TENM2: variants seen among roughly 807,000 people sequenced by gnomAD.
TENM2 encodes the protein teneurin-2.
In TENM2, 52 loss-of-function variants were observed where a neutral mutation model predicts 245.2. The ratio of observed to expected loss-of-function variants is 0.21; its 90% CI spans 0.17 to 0.27. The LOEUF is 0.27. TENM2 is among the 10% of genes least tolerant of loss of function. TENM2 has a pLI of 1.00. For synonymous variants in TENM2, 1,363 were observed against 1,438.9 expected, an observed-to-expected ratio of 0.95 and a Z score of 1.19; for missense variants, 3,046 against 3,666.8, an observed-to-expected ratio of 0.83 and a Z score of 4.37.
At chr5:167,794,735 T>C (rs1449363452) in intron 2 of TENM2, among the ~76,000 whole-genome samples, 2 of 152,180 alleles carry the variant, frequency 1.3e-5, no homozygotes, top group East Asian at 1.9e-4. Context: ...CCTTGAAAGA[T>C]AATTGGTGCA....
At chr5:167,810,241 T>C (rs1043763074) in intron 2 of TENM2, among the ~76,000 whole-genome samples, 1 of 152,060 alleles carries the variant, frequency 6.6e-6, no homozygotes, top group Non-Finnish European at 1.5e-5. Context: ...AAGACTTCCT[T>C]TTTTTCCTTG....
intron 2 of TENM2, among the ~76,000 whole-genome samples, chr5:167,596,377 C>G (rs142480225): frequency 4.6e-5 from 7 of 152,160 alleles, no homozygotes; most frequent in Non-Finnish European, 8.8e-5. Flanking sequence ...GACTGTCCCC[C>G]CCAAGGACCT....
chr5:167,958,823 C>T (rs1583487375), intron 4 of TENM2, among the ~76,000 whole-genome samples: 1 of 152,084 alleles, frequency 6.6e-6, no homozygotes, highest in Non-Finnish European at 1.5e-5. Flanking sequence ...TCTCTTCTGG[C>T]TTGTAGCGTG....
At chr5:167,580,547 C>G (rs575899932) in intron 2 of TENM2, among the ~76,000 whole-genome samples, 7 of 152,286 alleles carry the variant, frequency 4.6e-5, no homozygotes, top group African/African-American at 1.7e-4. Flanking sequence ...TCTTAGATAC[C>G]ACAAGGAGGC....
At chr5:167,159,574 A>G in the TENM2 span, among the ~76,000 whole-genome samples, 19 of 152,352 alleles carry the variant, frequency 1.2e-4, no homozygotes, top group Admixed American at 2.0e-4. Flanking sequence ...ATCATATTCT[A>G]TATGATAAAT....
the TENM2 span, among the ~76,000 whole-genome samples, chr5:167,147,867 A>G: frequency 3.3e-5 from 5 of 152,172 alleles, no homozygotes; most frequent in East Asian, 1.9e-4. Flanking sequence ...TACTTTACCA[A>G]TGACCCTGTA....
intron 2 of TENM2, among the ~76,000 whole-genome samples, chr5:167,529,963 T>C (rs530938143): frequency 2.0e-5 from 3 of 152,308 alleles, no homozygotes; most frequent in East Asian, 1.9e-4. Flanking sequence ...AAGTTGGTTA[T>C]ATACATTATC....
At position 168,239,472 on chromosome 5, in the gene TENM2, G is replaced by A. The variant is rs367548609; in HGVS notation, c.5521-4948G>A. 2.5e-4 allele frequency among the ~76,000 whole-genome samples: 38 copies of A among 152,206 alleles called. 1 individual carries two copies. In the South Asian group the frequency reaches 6.9e-3, roughly 27 times the overall value. On this transcript the variant is annotated intron_variant, in intron 25 of 28. Transcript: ENST00000518659. The stretch of plus-strand genomic sequence containing the variant: ...TACTTCTTTATAGTTGGTGCACCTG[G>A]GTCAATGGTCAGAGGCCTCTCAGCT...
At chr5:168,177,556 G>A (rs1334958894) in intron 13 of TENM2, among the ~76,000 whole-genome samples, 1 of 152,216 alleles carries the variant, frequency 6.6e-6, no homozygotes, top group East Asian at 1.9e-4. Flanking sequence ...TTAAATGACA[G>A]CCAGGCACAA....
the TENM2 span, among the ~76,000 whole-genome samples, chr5:166,979,382 CCT>C: frequency 2.0e-5 from 3 of 151,430 alleles, no homozygotes; most frequent in South Asian, 2.1e-4. Context: ...CCCTTCTTTC[CCT>C]CTCTCTCTCT....
chr5:167,416,360 T>A (rs550420762), intron 2 of TENM2, among the ~76,000 whole-genome samples: 2 of 152,214 alleles, frequency 1.3e-5, no homozygotes, highest in Non-Finnish European at 2.9e-5. Context: ...CACTGTAAAT[T>A]CTCATCCATG....
intron 7 of TENM2, chr5:168,088,253 C>G (rs752928369): frequency 6.6e-6 from 1 of 152,192 alleles, no homozygotes; most frequent in African/African-American, 2.4e-5. Flanking sequence ...AGCCATTCCT[C>G]TGGCTGACAG....
intron 3 of TENM2, among the ~76,000 whole-genome samples, chr5:167,931,871 G>A (rs777915323): frequency 6.6e-6 from 1 of 152,194 alleles, no homozygotes; most frequent in Non-Finnish European, 1.5e-5. Context: ...TGCCGTTGCA[G>A]AGATGAAATC....
chr5:167,903,661 C>G (rs1007277399), intron 3 of TENM2, among the ~76,000 whole-genome samples: 1 of 152,062 alleles, frequency 6.6e-6, no homozygotes, highest in Non-Finnish European at 1.5e-5. Context: ...TCCAGTGTAA[C>G]CAGGCAGATG....
intron 2 of TENM2, among the ~76,000 whole-genome samples, chr5:167,808,931 A>G (rs1049026341): frequency 2.6e-5 from 4 of 152,200 alleles, no homozygotes. Context: ...AAGATGTATC[A>G]TTGTTTTATG....
At chr5:167,266,899 A>G in the TENM2 span, among the ~76,000 whole-genome samples, 2 of 152,164 alleles carry the variant, frequency 1.3e-5, no homozygotes, top group African/African-American at 2.4e-5. Context: ...AGACAGTGCA[A>G]CCCACCTGCA....
chr5:167,433,962 C>T (rs1764391787), intron 2 of TENM2, among the ~76,000 whole-genome samples: 1 of 152,032 alleles, frequency 6.6e-6, no homozygotes, highest in Non-Finnish European at 1.5e-5. Context: ...ATCAATGTAA[C>T]ATATCTTTGT....
intron 2 of TENM2, among the ~76,000 whole-genome samples, chr5:167,491,621 A>C (rs1375867925): frequency 1.3e-5 from 2 of 152,180 alleles, no homozygotes; most frequent in African/African-American, 4.8e-5. Context: ...ACTATTGCTT[A>C]GATCTCCTAC....
chr5:168,118,150 T>G (rs1376776147), intron 9 of TENM2, 142 bp from the exon 12 acceptor site: 9 of 541,810 alleles, frequency 1.7e-5, no homozygotes, highest in Non-Finnish European at 2.2e-5. Flanking sequence ...TGGCAATGGT[T>G]CTGCACCTGC....
Sources: gnomAD v4.1 joint callset for allele counts (sites outside exome capture counted in the v4.1 genomes callset) on GRCh38, gnomAD v4.1.1 for gene constraint, MANE v1.5 for transcripts, NCBI Gene and HGNC (gene_info 2026-07-23, HGNC 2026-07-21) for gene names.